The following ZNF627 variants were observed in gnomAD, a reference collection of about 807,000 sequenced individuals.
ZNF627 encodes zinc finger protein 627.
A neutral mutation model predicts 10.6 loss-of-function variants in ZNF627; 12 were observed. That is an observed-to-expected ratio of 1.13 (90% CI 0.73 to 1.84). The LOEUF (loss-of-function observed/expected upper bound fraction) is 1.84, where lower values mean the gene tolerates loss of function less well. Ranked by LOEUF, ZNF627 falls within the 40% of genes most tolerant of loss-of-function variation. The probability of loss-of-function intolerance (pLI) is 0.00; values close to 1 mark genes in which losing one functional copy is unlikely to be tolerated. For missense variants in ZNF627, 504 were observed against 568.4 expected, an observed-to-expected ratio of 0.89 and a Z score of 1.15; for synonymous variants, 176 against 187.1, an observed-to-expected ratio of 0.94 and a Z score of 0.48.
At chr19:11,605,635 C>T (rs1973661529) in intron 1 of ZNF627, among the ~76,000 whole-genome samples, 1 of 152,096 alleles carries the variant, frequency 6.6e-6, no homozygotes, top group African/African-American at 2.4e-5. Context: ...GAGGTAACCA[C>T]CCCAATGATT....
chr19:11,617,517 GGT>G lies in ZNF627; in HGVS notation c.1020_1021del (p.Cys340TrpfsTer5). 6.2e-7 allele frequency: 1 copy of G among 1,613,672 alleles called. No homozygotes were observed. Among genetic ancestry groups the G allele is most frequent in the Non-Finnish European group, 8.5e-7 (1 of 1,179,966 alleles). ...HTGNGPYKCK[V>X]CGKAFDFPSS... is the part of the protein sequence containing the mutation. ...CTGGCAATGGACCTTATAAATGTAA[GGT>G]GTGTGGGAAAGCCTTTGATTTCCCC... On this transcript the variant is annotated frameshift_variant, in exon 4 of 4. Coordinates refer to ENST00000361113, the MANE Select transcript of ZNF627 (RefSeq NM_145295.4). LOFTEE classifies it low-confidence loss of function (END_TRUNC).
At chr19:11,609,515 A>ATGTATG (rs1338847516) in intron 1 of ZNF627, among the ~76,000 whole-genome samples, 1 of 92,944 alleles carries the variant, frequency 1.1e-5, no homozygotes, top group Non-Finnish European at 2.2e-5. Flanking sequence ...ATATATATAT[A>ATGTATG]TATGTATTTT....
In ZNF627 at chr19:11,609,471, T is replaced by TTATATATA. The variant is rs1168205815; in HGVS notation, c.4-5016_4-5009dup. Among the ~76,000 whole-genome samples, 420 of 53,290 alleles carry TTATATATA rather than the reference T, an allele frequency of 7.9e-3. 8 individuals are homozygous for TTATATATA. Among genetic ancestry groups the TTATATATA allele is most frequent in the Non-Finnish European group, 0.014 (271 of 19,238 alleles). The allele number at this position is 53,290 out of a possible 152,430, so 35.0% of individuals were successfully genotyped here. A position where few individuals can be genotyped will look rare whatever the true frequency, so the allele number is the denominator to read the frequency against. ...TTCCTGGGTAGTCTTTTAAAAAATTTTATATATATATATATATATATATAT... is the reference window on the plus strand; with the variant it reads ...TTCCTGGGTAGTCTTTTAAAAAATTTTATATATATATATATATATATATATATATATAT... On this transcript the variant is annotated intron_variant, in intron 1 of 3. Coordinates refer to ENST00000361113, the MANE Select transcript of ZNF627 (RefSeq NM_145295.4).
In ZNF627 at chr19:11,617,627, C is replaced by G. The variant is rs1404759034; in HGVS notation, c.1124C>G (p.Ser375Cys). 6.2e-7 allele frequency: 1 copy of G among 1,613,688 alleles called. No individual in the cohort carries two copies. The highest frequency in any genetic ancestry group is 8.5e-7 in the Non-Finnish European group (1 of 1,179,904). ...CKQCGKAFSCSSSFRKHERIH... is the reference protein window; with the variant it reads ...CKQCGKAFSCCSSFRKHERIH... ...CAATGTGGGAAAGCCTTCAGTTGTT[C>G]CAGTTCGTTTCGAAAACATGAAAGA... is the stretch of plus-strand genomic sequence containing the variant. Residue 375 changes from serine to cysteine, a missense_variant, in exon 4 of 4, where the codon TCC becomes TGC. Transcript: ENST00000361113.
intron 1 of ZNF627, among the ~76,000 whole-genome samples, chr19:11,607,949 A>C (rs1029160367): frequency 6.6e-6 from 1 of 152,204 alleles, no homozygotes; most frequent in African/African-American, 2.4e-5. Context: ...CCAATTTACT[A>C]TATTAGTCCA....
chr19:11,612,578 C>T (rs1973791558), intron 1 of ZNF627, among the ~76,000 whole-genome samples: 1 of 151,608 alleles, frequency 6.6e-6, no homozygotes, highest in South Asian at 2.1e-4. Context: ...CCCACCACGC[C>T]CGGCTAATTT....
Position 11,597,549 on chromosome 19 carries a change from C to T in ZNF627, c.-79C>T, listed in dbSNP as rs1310875567. On this transcript the variant is annotated 5_prime_UTR_variant, in exon 1 of 4. Transcript: ENST00000361113. Reference sequence around the variant, plus strand: ...CTCCGAGAGGCCCAAGGTGTCTCCGCCGCAGCCTCTGTCGCGCCGTGACCT... The same window carrying T: ...CTCCGAGAGGCCCAAGGTGTCTCCGTCGCAGCCTCTGTCGCGCCGTGACCT... 3 of 1,291,352 alleles carry T rather than the reference C, an allele frequency of 2.3e-6. No individual in the cohort carries two copies. Among genetic ancestry groups the T allele is most frequent in the Admixed American group, 3.5e-5 (1 of 28,616 alleles). 80.0% of individuals were successfully genotyped at this position (1,291,352 alleles called of 1,614,324 possible).
chr19:11,611,381 A>G (rs975375422), intron 1 of ZNF627, among the ~76,000 whole-genome samples: 4 of 152,276 alleles, frequency 2.6e-5, no homozygotes, highest in Admixed American at 1.3e-4. Context: ...GCTGGAGTGC[A>G]GTGATGATGT....
At chr19:11,614,069 C>T (rs913181660) in intron 1 of ZNF627, among the ~76,000 whole-genome samples, 1 of 151,910 alleles carries the variant, frequency 6.6e-6, no homozygotes, top group Non-Finnish European at 1.5e-5. Flanking sequence ...CTATGGGCAC[C>T]CACCACCGTG....
chr19:11,597,773 G>A, intron 1 of ZNF627, 143 bp downstream of exon 1: 1 of 920,596 alleles, frequency 1.1e-6, no homozygotes, highest in Non-Finnish European at 1.5e-6. Context: ...AGGTGGGGCT[G>A]GGCCAGGAGC....
At chr19:11,597,791 C>T (rs1973516582) in intron 1 of ZNF627, among the ~76,000 whole-genome samples, 161 bp downstream of exon 1, 2 of 152,180 alleles carry the variant, frequency 1.3e-5, no homozygotes, top group Non-Finnish European at 2.9e-5. Flanking sequence ...AGCTGGGACC[C>T]CGGTCGTCCT....
intron 1 of ZNF627, among the ~76,000 whole-genome samples, chr19:11,598,784 C>G (rs1400415576): frequency 5.3e-5 from 8 of 152,204 alleles, no homozygotes; most frequent in Admixed American, 5.2e-4. Flanking sequence ...CTGAACATTT[C>G]ACAGGAGAGG....
At position 11,616,972 on chromosome 19, in the gene ZNF627, C is replaced by A. The variant is rs539630502; in HGVS notation, c.469C>A (p.Arg157Ser). 1.2e-6 allele frequency: 2 copies of A among 1,614,158 alleles called. No individual in the cohort carries two copies. The highest frequency in any genetic ancestry group is 1.3e-5 in the African/African-American group (1 of 75,048). ...ALSYHRSFPV[R>S]ERTHPGGKPY... ...GAGTTATCATCGCTCTTTTCCAGTA[C>A]GTGAAAGGACTCATCCTGGAGGAAA... Residue 157 changes from arginine (R) to serine (S), a missense_variant, in exon 4 of 4, where the codon CGT becomes AGT. Arg to Ser is a moderately radical substitution (Grantham distance 110). Transcript: ENST00000361113.
chr19:11,609,288 A>C (rs1973724568), intron 1 of ZNF627, among the ~76,000 whole-genome samples: 1 of 151,852 alleles, frequency 6.6e-6, no homozygotes, highest in South Asian at 2.1e-4. Flanking sequence ...AAACTCCAGC[A>C]ATTGTTCCCA....
intron 1 of ZNF627, among the ~76,000 whole-genome samples, chr19:11,603,579 G>A (rs538015879): frequency 3.3e-5 from 5 of 151,530 alleles, no homozygotes; most frequent in Non-Finnish European, 5.9e-5. Context: ...GAGCCACTAC[G>A]CCCGGCCTTA....
chr19:11,617,615 C>G lies in ZNF627; in HGVS notation c.1112C>G (p.Ala371Gly), dbSNP rs778190885. 1.8e-5 allele frequency: 29 copies of G among 1,613,754 alleles called. No individual in the cohort carries two copies. The highest frequency in any genetic ancestry group is 2.3e-5 in the Non-Finnish European group (27 of 1,179,962). Residue 371 changes from alanine (A) to glycine (G), a missense_variant, in exon 4 of 4, where the codon GCC becomes GGC. Physicochemically the swap from Ala to Gly is moderately conservative, Grantham distance 60. Coordinates refer to ENST00000361113, the MANE Select transcript of ZNF627 (RefSeq NM_145295.4). Reference sequence around the variant, plus strand: ...TATGATTGTAAGCAATGTGGGAAAGCCTTCAGTTGTTCCAGTTCGTTTCGA... The same window carrying G: ...TATGATTGTAAGCAATGTGGGAAAGGCTTCAGTTGTTCCAGTTCGTTTCGA... ...KPYDCKQCGK[A>G]FSCSSSFRKH...
chr19:11,597,600 G>A lies in ZNF627; in HGVS notation c.-28G>A, dbSNP rs1973510179. On this transcript the variant is annotated 5_prime_UTR_variant, in exon 1 of 4. Coordinates refer to ENST00000361113, the MANE Select transcript of ZNF627 (RefSeq NM_145295.4). ...GTACAGGTCGCGGGAGTCGTAGGGA[G>A]GACGCCGGGACACCTGGAAGCCGAG... 1 of 1,327,358 alleles carries A rather than the reference G, an allele frequency of 7.5e-7. No homozygotes were observed. The highest frequency in any genetic ancestry group is 2.8e-5 in the East Asian group (1 of 36,006). 82.2% of individuals were successfully genotyped at this position (1,327,358 alleles called of 1,614,324 possible).
intron 1 of ZNF627, among the ~76,000 whole-genome samples, chr19:11,602,005 C>CAAAAA (rs67176670): frequency 2.2e-3 from 117 of 53,790 alleles, no homozygotes; most frequent in African/African-American, 8.5e-3. Context: ...GACTCTGTCT[C>CAAAAA]AAAAAAAAAA....
chr19:11,609,754 G>A (rs1973741454), intron 1 of ZNF627, among the ~76,000 whole-genome samples: 1 of 151,928 alleles, frequency 6.6e-6, no homozygotes, highest in Admixed American at 6.6e-5. Context: ...TCCTGACCTT[G>A]TGATCCGCCC....
Sources: gnomAD v4.1 joint callset for allele counts (sites outside exome capture counted in the v4.1 genomes callset) on GRCh38, gnomAD v4.1.1 for gene constraint, MANE v1.5 for transcripts, NCBI Gene and HGNC (gene_info 2026-07-23, HGNC 2026-07-21) for gene names.